Variants in ELP4 observed in about 807,000 individuals in gnomAD.
ELP4 encodes elongator complex protein 4.
A neutral mutation model predicts 48.9 loss-of-function variants in ELP4; 51 were observed. That is an observed-to-expected ratio of 1.04 (90% CI 0.83 to 1.32). The LOEUF (loss-of-function observed/expected upper bound fraction) is 1.32, where lower values mean the gene tolerates loss of function less well. Ranked by LOEUF, ELP4 falls within the 40% of genes most tolerant of loss-of-function variation. The pLI is 0.00. For missense variants in ELP4, 519 were observed against 514.6 expected, an observed-to-expected ratio of 1.01 and a Z score of -0.08; for synonymous variants, 210 against 189.2, an observed-to-expected ratio of 1.11 and a Z score of -0.90.
In ELP4 at chr11:31,623,252, A is replaced by G. The variant is rs1246605950; in HGVS notation, c.654-3858A>G. Among the ~76,000 whole-genome samples, 5 of 149,732 alleles carry G rather than the reference A, an allele frequency of 3.3e-5. No homozygotes were observed. In the East Asian group the frequency reaches 9.8e-4, roughly 29 times the overall value. On this transcript the variant is annotated intron_variant, in intron 5 of 9. Coordinates refer to ENST00000640961, the MANE Select transcript of ELP4 (RefSeq NM_019040.5). ...GCCAACTCCTGTTTTATCAGTGCCT[A>G]CACTACTAAACACACACACAAGAGT... is the stretch of plus-strand genomic sequence containing the variant.
At chr11:31,514,183 G>A (rs1956063613) in intron 1 of ELP4, among the ~76,000 whole-genome samples, 2 of 152,172 alleles carry the variant, frequency 1.3e-5, no homozygotes, top group Admixed American at 6.5e-5. Flanking sequence ...TGCTGGCCAG[G>A]TGTGGTAGCT....
At chr11:31,518,544 C>A (rs1365655577) in intron 1 of ELP4, among the ~76,000 whole-genome samples, 1 of 137,664 alleles carries the variant, frequency 7.3e-6, no homozygotes, top group Non-Finnish European at 1.5e-5. Flanking sequence ...GTTGGCCAGG[C>A]TGGAGTGCAG....
chr11:31,576,883 T>C (rs1258243604), intron 3 of ELP4, among the ~76,000 whole-genome samples: 1 of 151,888 alleles, frequency 6.6e-6, no homozygotes, highest in Non-Finnish European at 1.5e-5. Flanking sequence ...TTAAAAGAAC[T>C]AGAGAACCAA....
chr11:31,584,724 C>T (rs974434491), intron 3 of ELP4, among the ~76,000 whole-genome samples: 1 of 151,998 alleles, frequency 6.6e-6, no homozygotes, highest in African/African-American at 2.4e-5. Flanking sequence ...GGGGTTTCGC[C>T]GTGTTGGGCA....
At chr11:31,517,315 G>C (rs1481366714) in intron 1 of ELP4, among the ~76,000 whole-genome samples, 1 of 151,158 alleles carries the variant, frequency 6.6e-6, no homozygotes, top group South Asian at 2.1e-4. Context: ...CCCCCGAATA[G>C]CTGGGATTAC....
At chr11:31,646,651 T>C (rs1359187122) in intron 7 of ELP4, 1 of 151,788 alleles carries the variant, frequency 6.6e-6, no homozygotes, top group Non-Finnish European at 1.5e-5. Flanking sequence ...GACTGTTTTA[T>C]ATTTCCCATT....
intron 2 of ELP4, among the ~76,000 whole-genome samples, chr11:31,537,836 C>G (rs1035328387): frequency 2.0e-5 from 3 of 152,050 alleles, no homozygotes; most frequent in African/African-American, 7.2e-5. Context: ...GGACACAGAC[C>G]CAAACCATAT....
intron 4 of ELP4, among the ~76,000 whole-genome samples, chr11:31,601,088 A>G (rs996072187): frequency 1.3e-5 from 2 of 152,152 alleles, no homozygotes; most frequent in African/African-American, 4.8e-5. Flanking sequence ...GTTATTGATA[A>G]TAGTTTGATA....
At chr11:31,567,707 T>G (rs2133951443) in intron 3 of ELP4, among the ~76,000 whole-genome samples, 1 of 152,344 alleles carries the variant, frequency 6.6e-6, no homozygotes, top group South Asian at 2.1e-4. Flanking sequence ...AGTGAGTCAC[T>G]TTTTTTATTT....
chr11:31,588,358 G>T (rs1363290424), intron 3 of ELP4, among the ~76,000 whole-genome samples: 1 of 152,032 alleles, frequency 6.6e-6, no homozygotes, highest in East Asian at 1.9e-4. Flanking sequence ...TTTCCAAATT[G>T]TTCTCCAAAG....
chr11:31,586,307 C>T (rs1957472643), intron 3 of ELP4, among the ~76,000 whole-genome samples: 1 of 151,940 alleles, frequency 6.6e-6, no homozygotes, highest in Admixed American at 6.6e-5. Flanking sequence ...ATGTGAAATA[C>T]AAAGACAAAG....
At chr11:31,559,301 G>A (rs372537190) in intron 3 of ELP4, among the ~76,000 whole-genome samples, 1 of 152,104 alleles carries the variant, frequency 6.6e-6, no homozygotes, top group Non-Finnish European at 1.5e-5. Flanking sequence ...TGCAGCAAGT[G>A]GCCTTAGTTC....
chr11:31,626,473 A>AT (rs1437120490), intron 5 of ELP4, among the ~76,000 whole-genome samples: 3 of 151,850 alleles, frequency 2.0e-5, no homozygotes, highest in African/African-American at 7.2e-5. Flanking sequence ...GGGATATTTC[A>AT]TAGCATTTGT....
chr11:31,731,977 G>A (rs1227183005), intron 9 of ELP4, among the ~76,000 whole-genome samples: 1 of 151,960 alleles, frequency 6.6e-6, no homozygotes, highest in East Asian at 1.9e-4. Flanking sequence ...TTCAAAAATG[G>A]AGCAATAAAG....
At chr11:31,742,176 C>A (rs548120259) in intron 9 of ELP4, among the ~76,000 whole-genome samples, 1 of 151,774 alleles carries the variant, frequency 6.6e-6, no homozygotes, top group Admixed American at 6.6e-5. Flanking sequence ...TGAAATGAAG[C>A]GAGAAGAAAA....
intron 1 of ELP4, chr11:31,510,614 GTATA>G (rs1473290647): frequency 2.6e-6 from 1 of 380,476 alleles, no homozygotes; most frequent in East Asian, 3.8e-5. Context: ...TTAAATCTGT[GTATA>G]TATTTTTTAT....
chr11:31,549,509 A>G (rs1956800476), intron 3 of ELP4, among the ~76,000 whole-genome samples: 2 of 151,726 alleles, frequency 1.3e-5, no homozygotes, highest in African/African-American at 4.8e-5. Flanking sequence ...GAGGATGTGG[A>G]GAAATAGGAA....
chr11:31,579,866 A>G (rs559933234), intron 3 of ELP4, among the ~76,000 whole-genome samples: 1 of 152,066 alleles, frequency 6.6e-6, no homozygotes. Context: ...GCACACCAAC[A>G]TGGCACATGT....
chr11:31,617,090 G>T (rs1404919005), intron 5 of ELP4, among the ~76,000 whole-genome samples: 1 of 151,964 alleles, frequency 6.6e-6, no homozygotes, highest in Non-Finnish European at 1.5e-5. Flanking sequence ...GGAAAGCAGG[G>T]ATTTGAAGAG....
Sources: gnomAD v4.1 joint callset for allele counts (sites outside exome capture counted in the v4.1 genomes callset) on GRCh38, gnomAD v4.1.1 for gene constraint, MANE v1.5 for transcripts, NCBI Gene and HGNC (gene_info 2026-07-23, HGNC 2026-07-21) for gene names.